MOXD1: variants seen among roughly 807,000 people sequenced by gnomAD.
MOXD1 encodes monooxygenase DBH like 1, also known as DBH-like monooxygenase protein 1.
Under a neutral mutation model 66.6 loss-of-function variants are expected in MOXD1, and 62 were observed. The observed-to-expected ratio is 0.93, with a 90% CI of 0.76 to 1.15. The LOEUF (loss-of-function observed/expected upper bound fraction) is 1.15. MOXD1 is among the 50% of genes most tolerant of loss of function. The pLI, the probability that MOXD1 is intolerant of heterozygous loss-of-function variation, is 0.00. For missense variants in MOXD1, 847 were observed against 754.6 expected, an observed-to-expected ratio of 1.12 and a Z score of -1.44; for synonymous variants, 303 against 281.9, an observed-to-expected ratio of 1.07 and a Z score of -0.75.
intron 4 of MOXD1, among the ~76,000 whole-genome samples, chr6:132,336,308 C>T (rs934473589): frequency 1.3e-5 from 2 of 152,148 alleles, no homozygotes; most frequent in East Asian, 1.9e-4. Flanking sequence ...CATAAAAGCC[C>T]GTAATCCATC....
chr6:132,318,396 C>T (rs1775002805), intron 9 of MOXD1, among the ~76,000 whole-genome samples: 1 of 152,026 alleles, frequency 6.6e-6, no homozygotes, highest in African/African-American at 2.4e-5. Context: ...TAGTTCAAAA[C>T]ATCTCACTCT....
At position 132,324,040 on chromosome 6, in the gene MOXD1, T is replaced by G. The variant is rs1488920642; in HGVS notation, c.1004A>C (p.Asp335Ala). 2 of 1,613,930 alleles carry G rather than the reference T, an allele frequency of 1.2e-6. No homozygotes were observed. Among genetic ancestry groups the G allele is most frequent in the Non-Finnish European group, 1.7e-6 (2 of 1,179,900 alleles). ...LFYTMDIRKY[D>A]AGVIEAGLWV... The stretch of plus-strand genomic sequence containing the variant: ...GAGGCCAGCCTCAATCACCCCAGCA[T>G]CATATTTCCTTATATCCATTGTGTA... The change falls in exon 7 of 12, where the codon GAT becomes GCT. Residue 335 changes from aspartate (D) to alanine (A), a missense_variant. Asp to Ala is a moderately radical substitution (Grantham distance 126, BLOSUM62 -2). Transcript: ENST00000367963.
At chr6:132,314,458 A>G (rs1422583525) in intron 10 of MOXD1, among the ~76,000 whole-genome samples, 1 of 152,180 alleles carries the variant, frequency 6.6e-6, no homozygotes, top group Non-Finnish European at 1.5e-5. Flanking sequence ...TTCCCTTTGC[A>G]CTTAAAGCCC....
At chr6:132,368,341 C>T (rs556514724) in intron 4 of MOXD1, among the ~76,000 whole-genome samples, 2 of 152,082 alleles carry the variant, frequency 1.3e-5, no homozygotes, top group Non-Finnish European at 1.5e-5. Context: ...TCTCGAGTAC[C>T]TGACAAAGAG....
At chr6:132,400,776 T>A (rs1358757545) in intron 1 of MOXD1, among the ~76,000 whole-genome samples, 2 of 152,132 alleles carry the variant, frequency 1.3e-5, no homozygotes, top group Non-Finnish European at 2.9e-5. Flanking sequence ...AAGCGCTCTG[T>A]CCCTTCCCTC....
Position 132,401,437 on chromosome 6 carries a change from C to T in MOXD1, c.-11G>A, listed in dbSNP as rs983438536. 9 of 1,460,990 alleles carry T rather than the reference C, an allele frequency of 6.2e-6. No homozygotes were observed. Among genetic ancestry groups the T allele is most frequent in the Non-Finnish European group, 8.1e-6 (9 of 1,111,718 alleles). The allele number at this position is 1,460,990 out of a possible 1,614,324, so 90.5% of individuals were successfully genotyped here. A position where few individuals can be genotyped will look rare whatever the true frequency, so the allele number is the denominator to read the frequency against. The stretch of plus-strand genomic sequence containing the variant: ...CGGCCAGCAGCACATCCTCGGGCGC[C>T]TCCTGCCCGCCGGTACCGGCCTCCA... On this transcript the variant is annotated 5_prime_UTR_variant, in exon 1 of 12. Coordinates refer to ENST00000367963, the MANE Select transcript of MOXD1 (RefSeq NM_015529.4).
chr6:132,299,015 A>G (rs1450319522), intron 10 of MOXD1, among the ~76,000 whole-genome samples: 2 of 152,210 alleles, frequency 1.3e-5, no homozygotes, highest in Non-Finnish European at 2.9e-5. Flanking sequence ...AAGACATGGA[A>G]TCAACCAAGG....
intron 8 of MOXD1, among the ~76,000 whole-genome samples, chr6:132,320,924 A>G (rs1485909400): frequency 6.6e-6 from 1 of 152,224 alleles, no homozygotes; most frequent in East Asian, 1.9e-4. Context: ...GATGAACTAC[A>G]TATAACCCAG....
intron 8 of MOXD1, 60 bp from the exon 9 acceptor site, chr6:132,320,748 A>G: frequency 7.2e-7 from 1 of 1,385,450 alleles, no homozygotes; most frequent in Non-Finnish European, 1.0e-6. Flanking sequence ...TTTATCAAAT[A>G]CATTTGTACG....
chr6:132,328,498 C>A lies in MOXD1; in HGVS notation c.760G>T (p.Gly254Cys). 6.2e-7 allele frequency: 1 copy of A among 1,614,108 alleles called. No individual in the cohort carries two copies. ...ATGTTGGGGTGATAGCACTCGTGGC[C>A]GGACTCCAGAACGCTGTCGTTAAAG... ...NNFNDSVLES[G>C]HECYHPNMPD... Residue 254 changes from glycine to cysteine, a missense_variant, in exon 5 of 12, where the codon GGC becomes TGC. By Grantham distance (159) the Gly-to-Cys change is radical. Transcript: ENST00000367963.
intron 1 of MOXD1, among the ~76,000 whole-genome samples, chr6:132,399,149 A>G (rs1174981524): frequency 6.6e-6 from 1 of 152,142 alleles, no homozygotes; most frequent in Admixed American, 6.6e-5. Context: ...ATTTCATCTT[A>G]TTAAACAGAT....
Position 132,360,282 on chromosome 6 carries a change from TG to T in MOXD1, c.663+12325del, listed in dbSNP as rs1359480451. Among the ~76,000 whole-genome samples, 10 of 152,332 alleles carry T rather than the reference TG, an allele frequency of 6.6e-5. No homozygotes were observed. The South Asian group carries it at 2.1e-3, about 32-fold the overall frequency. On this transcript the variant is annotated intron_variant, in intron 4 of 11. Transcript: ENST00000367963. Reference sequence around the variant, plus strand: ...TTAAATAGATCATCTTCCCCAGCAATGGGCAAATTACTTAACCTTTCTGGGC... The same window carrying T: ...TTAAATAGATCATCTTCCCCAGCAATGGCAAATTACTTAACCTTTCTGGGC...
At chr6:132,356,368 G>A (rs1437365897) in intron 4 of MOXD1, among the ~76,000 whole-genome samples, 1 of 152,150 alleles carries the variant, frequency 6.6e-6, no homozygotes, top group African/African-American at 2.4e-5. Context: ...TCCATTAACA[G>A]GCAATAAATT....
At chr6:132,333,447 G>A (rs1016960113) in intron 4 of MOXD1, among the ~76,000 whole-genome samples, 3 of 151,870 alleles carry the variant, frequency 2.0e-5, no homozygotes, top group Admixed American at 6.6e-5. Flanking sequence ...CAATCACAGG[G>A]GGAATGCCAA....
rs539550913 is a variant in MOXD1 at position 132,322,847 on chromosome 6, A to C, written c.1137T>G (p.Ser379Arg). Residue 379 changes from serine (S) to arginine (R), a missense_variant, in exon 8 of 12, where the codon AGT (serine) becomes AGG (arginine). Ser to Arg is a moderately radical substitution (Grantham distance 110). Transcript: ENST00000367963. ...LEEALEAEKP[S>R]GIHVFAVLLH... ...GAAGAACAGCAAACACATGAATTCC[A>C]CTTGGCTTTTCGGCTTCCAGAGCCT... 2.5e-6 allele frequency: 4 copies of C among 1,613,416 alleles called. No individual in the cohort carries two copies. In the South Asian group the frequency reaches 3.3e-5, roughly 13 times the overall value.
At chr6:132,357,881 G>C (rs994828834) in intron 4 of MOXD1, among the ~76,000 whole-genome samples, 1 of 152,042 alleles carries the variant, frequency 6.6e-6, no homozygotes, top group Non-Finnish European at 1.5e-5. Flanking sequence ...GGATGAGAAA[G>C]GCAGTTTTTT....
rs1037191859 is a variant in MOXD1, at chr6:132,353,097, A to T, written c.663+19511T>A. ...ATTGGTAAGTTCTTATCCATTCTGC[A>T]GTTCTATATCTTTTAAGTGGAGCAC... On this transcript the variant is annotated intron_variant, in intron 4 of 11. Coordinates refer to ENST00000367963, the MANE Select transcript of MOXD1 (RefSeq NM_015529.4). 3.9e-5 allele frequency among the ~76,000 whole-genome samples: 6 copies of T among 152,282 alleles called. 1 individual carries two copies. In the East Asian group the frequency reaches 1.2e-3, roughly 29 times the overall value.
chr6:132,389,836 G>A (rs1776722353), intron 1 of MOXD1, among the ~76,000 whole-genome samples: 1 of 151,324 alleles, frequency 6.6e-6, no homozygotes, highest in Non-Finnish European at 1.5e-5. Flanking sequence ...CCTTTTATAA[G>A]TGAGGTTTCA....
At chr6:132,315,559 A>C in intron 10 of MOXD1, 76 bp downstream of exon 10, 3 of 1,439,614 alleles carry the variant, frequency 2.1e-6, no homozygotes, top group Non-Finnish European at 1.9e-6. Flanking sequence ...TAATGTGGTA[A>C]TGGATCCAGT....
Sources: allele counts gnomAD v4.1 joint callset (sites outside exome capture counted in the v4.1 genomes callset), GRCh38; gene constraint gnomAD v4.1.1; transcripts MANE v1.5; gene names NCBI Gene and HGNC (gene_info 2026-07-23, HGNC 2026-07-21).